Variants in LVRN observed in about 807,000 individuals in gnomAD.
The protein encoded by LVRN is laeverin.
Under a neutral mutation model 111.4 loss-of-function variants are expected in LVRN, and 99 were observed. The observed-to-expected ratio is 0.89, with a 90% CI of 0.76 to 1.05. LVRN has a LOEUF of 1.05. Ranked by LOEUF, LVRN falls within the 50% of genes least tolerant of loss-of-function variation. The pLI is 0.00. For missense variants in LVRN, 1,414 were observed against 1,206.8 expected (o/e 1.17, Z -2.54); for synonymous variants, 488 against 449.5 (o/e 1.09, Z -1.08).
chr5:116,023,160 C>G (rs1355638315), intron 19 of LVRN, among the ~76,000 whole-genome samples: 1 of 152,164 alleles, frequency 6.6e-6, no homozygotes, highest in Non-Finnish European at 1.5e-5. Context: ...CTCGCCTATG[C>G]TTTCAGGTCA....
chr5:115,974,907 C>A, intron 1 of LVRN: 1 of 475,658 alleles, frequency 2.1e-6, no homozygotes. Context: ...TGCAGAGACT[C>A]TACTGATATA....
At chr5:116,022,121 T>A (rs535701123) in intron 18 of LVRN, 1 of 300,452 alleles carries the variant, frequency 3.3e-6, no homozygotes, top group Non-Finnish European at 6.1e-6. Flanking sequence ...GTATTCCAAC[T>A]ACCTCATTTT....
chr5:116,002,454 A>G (rs1488627552), intron 10 of LVRN, among the ~76,000 whole-genome samples: 1 of 152,188 alleles, frequency 6.6e-6, no homozygotes, highest in Non-Finnish European at 1.5e-5. Context: ...TTTCCTTCTA[A>G]ACTACTTTTC....
At chr5:116,009,590 A>G (rs1748445387) in intron 13 of LVRN, among the ~76,000 whole-genome samples, 1 of 152,214 alleles carries the variant, frequency 6.6e-6, no homozygotes, top group Non-Finnish European at 1.5e-5. Flanking sequence ...AAAAAAATCA[A>G]TATAAACAGG....
At chr5:115,983,197 G>C in intron 1 of LVRN, 90 bp from the exon 2 acceptor site, 1 of 1,390,884 alleles carries the variant, frequency 7.2e-7, no homozygotes, top group Non-Finnish European at 9.6e-7. Context: ...AACACACCAG[G>C]CTAACTTACA....
At chr5:115,994,386 C>T (rs1167936824) in intron 6 of LVRN, among the ~76,000 whole-genome samples, 1 of 152,052 alleles carries the variant, frequency 6.6e-6, no homozygotes, top group East Asian at 1.9e-4. Flanking sequence ...AGTCCTCCCA[C>T]CTCAGCCTTC....
chr5:116,015,882 G>A, intron 18 of LVRN, 117 bp downstream of exon 18: 1 of 1,238,440 alleles, frequency 8.1e-7, no homozygotes, highest in Non-Finnish European at 1.1e-6. Flanking sequence ...AACGTCCTTT[G>A]CATTGACTAG....
Position 116,022,412 on chromosome 5 carries a change from T to A in LVRN, c.2778T>A (p.Ile926=). ...VSKRYGTQSL[I]NLIYTIGRTV... ...GTAGGTATGGAACACAATCATTGATTAATCTAATATATACAATAGGGAGAA... is the reference window on the plus strand; with the variant it reads ...GTAGGTATGGAACACAATCATTGATAAATCTAATATATACAATAGGGAGAA... Residue 926 remains isoleucine, a synonymous_variant, in exon 19 of 20, where the codon ATT becomes ATA. Coordinates refer to ENST00000357872, the MANE Select transcript of LVRN (RefSeq NM_173800.5). 1 of 1,579,430 alleles carries A rather than the reference T, an allele frequency of 6.3e-7. No homozygotes were observed.
chr5:116,006,075 C>G, intron 13 of LVRN, 108 bp downstream of exon 13: 2 of 836,684 alleles, frequency 2.4e-6, no homozygotes, highest in South Asian at 1.8e-5. Flanking sequence ...CAGGCCATAA[C>G]TGATTAAGAT....
At chr5:115,996,349 C>T (rs974092835) in intron 6 of LVRN, among the ~76,000 whole-genome samples, 3 of 152,146 alleles carry the variant, frequency 2.0e-5, no homozygotes, top group African/African-American at 4.8e-5. Context: ...ACGTTAGTCT[C>T]TTTTTGTACC....
intron 1 of LVRN, among the ~76,000 whole-genome samples, chr5:115,964,994 G>A (rs1753172322): frequency 6.6e-6 from 1 of 152,196 alleles, no homozygotes; most frequent in Non-Finnish European, 1.5e-5. Flanking sequence ...GATTCTGGGA[G>A]CCCAGCAGGC....
chr5:115,993,336 A>G (rs115469198), intron 5 of LVRN, among the ~76,000 whole-genome samples: 177 of 152,338 alleles, frequency 1.2e-3, no homozygotes, highest in African/African-American at 4.0e-3. Flanking sequence ...TGCTTAAAGT[A>G]AAATCCAGTT....
At chr5:116,002,269 C>G (rs371976925) in intron 10 of LVRN, among the ~76,000 whole-genome samples, 1 of 152,188 alleles carries the variant, frequency 6.6e-6, no homozygotes, top group African/African-American at 2.4e-5. Flanking sequence ...AGTAGTGTGT[C>G]TCTTGCGATG....
intron 9 of LVRN, among the ~76,000 whole-genome samples, 200 bp downstream of exon 9, chr5:116,000,858 A>G (rs1159263647): frequency 2.0e-5 from 3 of 152,236 alleles, no homozygotes; most frequent in Admixed American, 6.5e-5. Context: ...TGTTAGATCA[A>G]TAAATATGTG....
chr5:115,989,652 G>T (rs1169228024), intron 4 of LVRN, among the ~76,000 whole-genome samples: 1 of 152,152 alleles, frequency 6.6e-6, no homozygotes, highest in Non-Finnish European at 1.5e-5. Context: ...ATAAATACAT[G>T]TGACTAGTTC....
At chr5:115,966,586 G>A (rs1561551750) in intron 1 of LVRN, among the ~76,000 whole-genome samples, 1 of 152,144 alleles carries the variant, frequency 6.6e-6, no homozygotes, top group Non-Finnish European at 1.5e-5. Context: ...GGCCCCAAGG[G>A]ATCCTCCTAC....
At chr5:116,005,793 G>A (rs546182307) in intron 12 of LVRN, 119 bp from the exon 13 acceptor site, 1 of 778,040 alleles carries the variant, frequency 1.3e-6, no homozygotes, top group East Asian at 2.6e-5. Context: ...CTGCAGATGA[G>A]ATAAGTCACG....
intron 3 of LVRN, 129 bp from the exon 4 acceptor site, chr5:115,987,684 A>G: frequency 8.8e-7 from 1 of 1,135,514 alleles, no homozygotes; most frequent in Non-Finnish European, 1.2e-6. Flanking sequence ...GCATGCAAGC[A>G]TTTTATTATG....
At position 115,963,007 on chromosome 5, in the gene LVRN, C is replaced by T. The variant is rs150590907; in HGVS notation, c.390C>T (p.Arg130=). ...CCGGGTCTTTGCCCTTCACTGGCCG[C>T]GTGAACATCACGGTGCGCTGCACGG... ...LPAGSLPFTG[R]VNITVRCTVA... Residue 130 remains arginine, a synonymous_variant, in exon 1 of 20, where the codon CGC becomes CGT. Coordinates refer to ENST00000357872, the MANE Select transcript of LVRN (RefSeq NM_173800.5). 709 of 1,613,606 alleles carry T rather than the reference C, an allele frequency of 4.4e-4. 3 individuals are homozygous for T. The African/African-American group carries it at 8.7e-3, about 20-fold the overall frequency.
Sources: allele counts gnomAD v4.1 joint callset (sites outside exome capture counted in the v4.1 genomes callset), GRCh38; gene constraint gnomAD v4.1.1; transcripts MANE v1.5; gene names NCBI Gene and HGNC (gene_info 2026-07-23, HGNC 2026-07-21).